ESRRG: variants seen among roughly 807,000 people sequenced by gnomAD.
ESRRG encodes the protein estrogen related receptor gamma.
ESRRG carries 13 observed loss-of-function variants against 44.0 expected under a neutral mutation model. That is an observed-to-expected ratio of 0.30 (90% confidence interval 0.19 to 0.47). The LOEUF (loss-of-function observed/expected upper bound fraction) is 0.47, where lower values mean the gene tolerates loss of function less well. Among genes scored for constraint, ESRRG ranks in the 20% least tolerant of loss-of-function variants. The pLI, the probability that ESRRG is intolerant of heterozygous loss-of-function variation, is 1.00. For synonymous variants in ESRRG, 215 were observed against 214.6 expected (o/e 1.00, Z -0.02); for missense variants, 395 against 580.6 (o/e 0.68, Z 3.29).
At chr1:216,912,859 T>A (rs941669904) in intron 2 of ESRRG, among the ~76,000 whole-genome samples, 9 of 152,014 alleles carry the variant, frequency 5.9e-5, no homozygotes, top group Non-Finnish European at 1.0e-4. Context: ...TGGTGGCTCA[T>A]ACCTATAATG....
At chr1:216,848,081 T>G (rs1226475462) in intron 2 of ESRRG, among the ~76,000 whole-genome samples, 1 of 152,102 alleles carries the variant, frequency 6.6e-6, no homozygotes, top group East Asian at 1.9e-4. Flanking sequence ...TGCCACCCAC[T>G]TAGTGACAAC....
At chr1:216,510,594 A>T (rs1175753353) in intron 6 of ESRRG, among the ~76,000 whole-genome samples, 1 of 152,172 alleles carries the variant, frequency 6.6e-6, no homozygotes, top group Non-Finnish European at 1.5e-5. Flanking sequence ...AGAAAATATT[A>T]ATCATTGTGG....
At chr1:217,061,798 C>A (rs1460583763) in intron 1 of ESRRG, among the ~76,000 whole-genome samples, 2 of 152,020 alleles carry the variant, frequency 1.3e-5, no homozygotes, top group Non-Finnish European at 2.9e-5. Flanking sequence ...CATGTAAAAA[C>A]CTAGAGTAAA....
chr1:217,053,074 A>G (rs930805715), intron 1 of ESRRG, among the ~76,000 whole-genome samples: 1 of 149,348 alleles, frequency 6.7e-6, no homozygotes, highest in Non-Finnish European at 1.5e-5. Context: ...CTGAGGTGGA[A>G]GGATTGCTTG....
intron 1 of ESRRG, among the ~76,000 whole-genome samples, chr1:216,950,152 T>G (rs2066721637): frequency 6.6e-6 from 1 of 152,192 alleles, no homozygotes; most frequent in African/African-American, 2.4e-5. Flanking sequence ...TGAGGTATTA[T>G]TTGACTATGT....
At chr1:216,698,331 C>A (rs188309031) in intron 1 of ESRRG, among the ~76,000 whole-genome samples, 67 of 152,092 alleles carry the variant, frequency 4.4e-4, no homozygotes, top group African/African-American at 1.6e-3. Context: ...TCCTGGCTAA[C>A]ATGGTGAAAC....
At chr1:216,758,057 A>T (rs1036154561) in intron 2 of ESRRG, among the ~76,000 whole-genome samples, 5 of 152,214 alleles carry the variant, frequency 3.3e-5, no homozygotes, top group African/African-American at 1.2e-4. Flanking sequence ...TGATGACTTG[A>T]TTCCTTAATA....
chr1:216,766,511 C>A (rs572503392), intron 2 of ESRRG, among the ~76,000 whole-genome samples: 1 of 152,108 alleles, frequency 6.6e-6, no homozygotes, highest in South Asian at 2.1e-4. Flanking sequence ...ACTGTTCATT[C>A]ATTTACTGGA....
chr1:216,583,164 G>GA (rs931065729), intron 3 of ESRRG, among the ~76,000 whole-genome samples: 1 of 152,150 alleles, frequency 6.6e-6, no homozygotes, highest in African/African-American at 2.4e-5. Context: ...TACATAGGGT[G>GA]AAAAAATGAA....
At chr1:216,585,857 G>A (rs1315445964) in intron 3 of ESRRG, among the ~76,000 whole-genome samples, 1 of 152,072 alleles carries the variant, frequency 6.6e-6, no homozygotes, top group African/African-American at 2.4e-5. Flanking sequence ...TGGCTAACAT[G>A]GTGAAACCCC....
chr1:216,543,828 C>A (rs887978551), intron 5 of ESRRG, among the ~76,000 whole-genome samples: 2 of 151,912 alleles, frequency 1.3e-5, no homozygotes, highest in Non-Finnish European at 2.9e-5. Context: ...CAGTTAAAAA[C>A]ATGAAGAGAT....
At chr1:216,904,288 T>C (rs1425401341) in intron 2 of ESRRG, among the ~76,000 whole-genome samples, 1 of 151,914 alleles carries the variant, frequency 6.6e-6, no homozygotes, top group Admixed American at 6.6e-5. Flanking sequence ...ACAGATGACA[T>C]AGTAAAACTG....
At chr1:216,577,870 C>A (rs17042922) in intron 3 of ESRRG, among the ~76,000 whole-genome samples, 12 of 151,852 alleles carry the variant, frequency 7.9e-5, no homozygotes, top group Admixed American at 2.6e-4. Context: ...ATACGGGCAA[C>A]CTTGGAAGAG....
At chr1:216,981,169 G>T (rs1368992861) in intron 1 of ESRRG, among the ~76,000 whole-genome samples, 2 of 152,120 alleles carry the variant, frequency 1.3e-5, no homozygotes, top group Non-Finnish European at 2.9e-5. Flanking sequence ...TATCGAGTGG[G>T]AGTTATGTAT....
chr1:216,810,969 A>G (rs1343067929), intron 2 of ESRRG, among the ~76,000 whole-genome samples: 1 of 152,004 alleles, frequency 6.6e-6, no homozygotes, highest in Admixed American at 6.6e-5. Flanking sequence ...AGAAACTAAA[A>G]TGTAACCTGC....
At chr1:216,848,683 A>G (rs2095797433) in intron 2 of ESRRG, among the ~76,000 whole-genome samples, 1 of 152,032 alleles carries the variant, frequency 6.6e-6, no homozygotes, top group South Asian at 2.1e-4. Context: ...GTTGCCTACC[A>G]ATTTGCAGCA....
chr1:217,071,937 C>G (rs1040914628), intron 1 of ESRRG, among the ~76,000 whole-genome samples: 2 of 152,206 alleles, frequency 1.3e-5, no homozygotes, highest in Non-Finnish European at 2.9e-5. Context: ...TTTCCAAAAT[C>G]ATCTTCCTCC....
At chr1:216,736,881 A>C (rs2090011313) in intron 2 of ESRRG, among the ~76,000 whole-genome samples, 1 of 152,184 alleles carries the variant, frequency 6.6e-6, no homozygotes, top group African/African-American at 2.4e-5. Flanking sequence ...GGATCTCTAT[A>C]GACCTGTTTC....
At chr1:216,541,415 C>A (rs1010975458) in intron 5 of ESRRG, among the ~76,000 whole-genome samples, 1 of 151,850 alleles carries the variant, frequency 6.6e-6, no homozygotes, top group Non-Finnish European at 1.5e-5. Context: ...GGATTGAGAG[C>A]TAAATGTTAT....
Sources: gnomAD v4.1 joint callset for allele counts (sites outside exome capture counted in the v4.1 genomes callset) on GRCh38, gnomAD v4.1.1 for gene constraint, MANE v1.5 for transcripts, NCBI Gene and HGNC (gene_info 2026-07-23, HGNC 2026-07-21) for gene names.